The following ALS2 variants were observed in gnomAD, a reference collection of about 807,000 sequenced individuals.
The protein encoded by ALS2 is alsin.
In ALS2, 117 loss-of-function variants were observed where a neutral mutation model predicts 203.4. The ratio of observed to expected loss-of-function variants is 0.58; its 90% CI spans 0.50 to 0.67. The LOEUF is 0.67. ALS2 is among the 30% of genes least tolerant of loss of function. The probability of loss-of-function intolerance (pLI) is 0.00; values close to 1 mark genes in which losing one functional copy is unlikely to be tolerated. For missense variants in ALS2, 1,715 were observed against 1,989.4 expected (o/e 0.86, Z 2.62); for synonymous variants, 718 against 725.9 (o/e 0.99, Z 0.17).
intron 12 of ALS2, among the ~76,000 whole-genome samples, chr2:201,734,910 T>G (rs1691785367): frequency 6.6e-6 from 1 of 151,872 alleles, no homozygotes; most frequent in South Asian, 2.1e-4. Flanking sequence ...TACTTTTTAC[T>G]CAGATTTTTA....
chr2:201,744,614 G>A (rs1180897898), intron 9 of ALS2, among the ~76,000 whole-genome samples, 185 bp from the exon 10 acceptor site: 4 of 152,144 alleles, frequency 2.6e-5, no homozygotes, highest in Non-Finnish European at 2.9e-5. Context: ...AAGCACCACA[G>A]ACTAGGGTTT....
Position 201,715,666 on chromosome 2 carries a change from A to T in ALS2, c.4004+6T>A, listed in dbSNP as rs1553502811. 1 of 1,614,000 alleles carries T rather than the reference A, an allele frequency of 6.2e-7. No individual in the cohort carries two copies. Among genetic ancestry groups the T allele is most frequent in the Middle Eastern group, 1.6e-4 (1 of 6,062 alleles). ...TCTGCTGTATGTTGAGCAGGTGTTCACTCACCTGTCTCTGTGCTGGCGCCG... is the reference window on the plus strand; with the variant it reads ...TCTGCTGTATGTTGAGCAGGTGTTCTCTCACCTGTCTCTGTGCTGGCGCCG... On this transcript the variant is annotated splice_donor_region_variant and intron_variant, in intron 25 of 33. Transcript: ENST00000264276.
At position 201,707,020 on chromosome 2, in the gene ALS2, T is replaced by A. The variant is rs750583938; in HGVS notation, c.4406A>T (p.Tyr1469Phe). The change falls in exon 29 of 34, where the codon TAT (tyrosine) becomes TTT (phenylalanine). Residue 1469 changes from tyrosine (Y) to phenylalanine (F), a missense_variant and splice_region_variant. Transcript: ENST00000264276. ...DSRSESPEPGYVVTSSGLLLP... is the reference protein window; with the variant it reads ...DSRSESPEPGFVVTSSGLLLP... ...CAATAATCCAGAACTCGTTACTACA[T>A]AACTACAAAATAATGGAGTGGGAGA... is the stretch of plus-strand genomic sequence containing the variant. 2 of 1,612,994 alleles carry A rather than the reference T, an allele frequency of 1.2e-6. No individual in the cohort carries two copies. Among genetic ancestry groups the A allele is most frequent in the Non-Finnish European group, 8.5e-7 (1 of 1,179,384 alleles).
chr2:201,733,488 T>C (rs1483806785), intron 12 of ALS2, 50 bp from the exon 13 acceptor site: 1 of 1,524,902 alleles, frequency 6.6e-7, no homozygotes, highest in Non-Finnish European at 9.0e-7. Context: ...GAATTGGTAA[T>C]ATGTACATTA....
chr2:201,731,585 T>C (rs1411854125), intron 13 of ALS2, among the ~76,000 whole-genome samples: 2 of 152,162 alleles, frequency 1.3e-5, no homozygotes, highest in African/African-American at 4.8e-5. Context: ...TCAATAAAAG[T>C]ATCATCATTA....
In ALS2 at chr2:201,723,318, T is replaced by C. The variant is rs1351018365; in HGVS notation, c.3624+12A>G. 2 of 1,588,348 alleles carry C rather than the reference T, an allele frequency of 1.3e-6. No individual in the cohort carries two copies. The highest frequency in any genetic ancestry group is 1.3e-5 in the African/African-American group (1 of 74,342). On this transcript the variant is annotated intron_variant, in intron 22 of 33. Coordinates refer to ENST00000264276, the MANE Select transcript of ALS2 (RefSeq NM_020919.4). ...AAAGTTAGTAATAACTACATGCAAA[T>C]ATTCCACTCACCATCATTTTATTAA...
chr2:201,749,595 A>C (rs1692895790), intron 8 of ALS2, 117 bp downstream of exon 8: 1 of 1,025,898 alleles, frequency 9.7e-7, no homozygotes, highest in Non-Finnish European at 1.5e-6. Flanking sequence ...GAAAACCAAA[A>C]CAAATTTAGG....
rs1416109232 is a variant in ALS2, at chr2:201,770,688, G to A, written c.-60-1743C>T. On this transcript the variant is annotated intron_variant, in intron 1 of 33. Coordinates refer to ENST00000264276, the MANE Select transcript of ALS2 (RefSeq NM_020919.4). ...CATAAACATCCTTAAAAGTGGAAGA[G>A]GGAGGCAGGAGGAGAATCAAAGAGA... Among the ~76,000 whole-genome samples, 11 of 152,192 alleles carry A rather than the reference G, an allele frequency of 7.2e-5. 1 individual carries two copies. The highest frequency in any genetic ancestry group is 7.2e-4 in the Admixed American group (11 of 15,288).
intron 6 of ALS2, among the ~76,000 whole-genome samples, chr2:201,753,978 G>C (rs941156072): frequency 6.6e-6 from 1 of 151,386 alleles, no homozygotes; most frequent in Non-Finnish European, 1.5e-5. Flanking sequence ...GCGCACCATG[G>C]ATACTTAAGT....
chr2:201,747,353 T>TGCAGCA (rs748611209), intron 8 of ALS2, among the ~76,000 whole-genome samples: 1 of 151,950 alleles, frequency 6.6e-6, no homozygotes, highest in East Asian at 1.9e-4. Context: ...CAGTGGTCTT[T>TGCAGCA]GCAGCAGCAG....
At chr2:201,773,366 A>C (rs1694499384) in intron 1 of ALS2, among the ~76,000 whole-genome samples, 1 of 152,028 alleles carries the variant, frequency 6.6e-6, no homozygotes, top group Non-Finnish European at 1.5e-5. Context: ...GAGGTGAATA[A>C]ATGAGAGATG....
At chr2:201,750,798 C>G (rs1428420701) in intron 7 of ALS2, among the ~76,000 whole-genome samples, 2 of 151,702 alleles carry the variant, frequency 1.3e-5, no homozygotes, top group African/African-American at 4.8e-5. Flanking sequence ...ATCTAGAACT[C>G]TACTGTGCAT....
chr2:201,722,098 C>A (rs1459990922), intron 23 of ALS2: 1 of 152,140 alleles, frequency 6.6e-6, no homozygotes, highest in Non-Finnish European at 1.5e-5. Context: ...ATTTACAAAT[C>A]ATATCTGATA....
At position 201,733,451 on chromosome 2, in the gene ALS2, G is replaced by T; in HGVS notation, c.2418-13C>A. On this transcript the variant is annotated splice_polypyrimidine_tract_variant and intron_variant, in intron 12 of 33. Coordinates refer to ENST00000264276, the MANE Select transcript of ALS2 (RefSeq NM_020919.4). ...ATTTAGGAAATCACTAGAGGCAGAGGAAAAAAAAATTTAGTTAATCATTTT... is the reference window on the plus strand; with the variant it reads ...ATTTAGGAAATCACTAGAGGCAGAGTAAAAAAAAATTTAGTTAATCATTTT... 1 of 1,606,254 alleles carries T rather than the reference G, an allele frequency of 6.2e-7. No individual in the cohort carries two copies.
At position 201,761,179 on chromosome 2, in the gene ALS2, G is replaced by A. The variant is rs769548352; in HGVS notation, c.815C>T (p.Ala272Val). 5.0e-6 allele frequency: 8 copies of A among 1,614,184 alleles called. No individual in the cohort carries two copies. The Admixed American group carries it at 1.3e-4, about 27-fold the overall frequency. ...AGTGGAGGGGCTGAGAGCAGTGCTG[G>A]CATGGTTTTCTGCCTGAGATTCTGT... is the stretch of plus-strand genomic sequence containing the variant. ...TLTESQAENH[A>V]STALSPSTET... Residue 272 changes from alanine to valine, a missense_variant, in exon 4 of 34, where the codon GCC (alanine) becomes GTC (valine). This residue lies in a region of ALS2 where 476 missense variants were observed against 539.3 expected (regional missense o/e 0.88). Coordinates refer to ENST00000264276, the MANE Select transcript of ALS2 (RefSeq NM_020919.4).
chr2:201,754,775 G>A, intron 5 of ALS2, 104 bp from the exon 6 acceptor site: 1 of 1,286,330 alleles, frequency 7.8e-7, no homozygotes. Context: ...GCCACCAATG[G>A]TATTTTTGAA....
rs553639108 is a variant in ALS2 at position 201,774,272 on chromosome 2, G to A, written c.-60-5327C>T. Among the ~76,000 whole-genome samples the A allele has an allele frequency of 3.9e-5, 6 of 152,290 alleles. No homozygotes were observed. In the South Asian group the frequency reaches 6.2e-4, roughly 16 times the overall value. On this transcript the variant is annotated intron_variant, in intron 1 of 33. Transcript: ENST00000264276. ...AGTCCCAGACAAAGTGAAGGAGGAT[G>A]CCATCCAGAATATATGTGGGGGGAT...
At chr2:201,775,922 T>C (rs530432835) in intron 1 of ALS2, among the ~76,000 whole-genome samples, 2 of 152,340 alleles carry the variant, frequency 1.3e-5, no homozygotes, top group South Asian at 4.1e-4. Flanking sequence ...CTATGACTTA[T>C]TCACCGGTAT....
chr2:201,757,594 T>C lies in ALS2; in HGVS notation c.1279A>G (p.Thr427Ala). 1.9e-6 allele frequency: 3 copies of C among 1,614,170 alleles called. No homozygotes were observed. Among genetic ancestry groups the C allele is most frequent in the Non-Finnish European group, 2.5e-6 (3 of 1,180,028 alleles). The change falls in exon 5 of 34, where the codon ACA (threonine) becomes GCA (alanine). Residue 427 changes from threonine to alanine, a missense_variant. By Grantham distance (58) the Thr-to-Ala change is moderately conservative. Coordinates refer to ENST00000264276, the MANE Select transcript of ALS2 (RefSeq NM_020919.4). ...SLKKVMNFYS[T>A]TPCETGAQAG... is the part of the protein sequence containing the mutation. ...TGAGCTCCAGTTTCACAAGGGGTTG[T>C]ACTATAAAAGTTCATAACTTTCTTC...
Sources: allele counts gnomAD v4.1 joint callset (sites outside exome capture counted in the v4.1 genomes callset), GRCh38; gene constraint gnomAD v4.1.1; regional missense constraint gnomAD v4.1.1; transcripts MANE v1.5; gene names NCBI Gene and HGNC (gene_info 2026-07-23, HGNC 2026-07-21).